Variants in PPARGC1A observed in about 807,000 individuals in gnomAD.
The protein encoded by PPARGC1A is peroxisome proliferator-activated receptor gamma coactivator 1-alpha.
Under a neutral mutation model 88.7 loss-of-function variants are expected in PPARGC1A, and 25 were observed. The observed-to-expected ratio is 0.28, with a 90% CI of 0.21 to 0.39. PPARGC1A has a LOEUF of 0.39. Among genes scored for constraint, PPARGC1A ranks in the 10% least tolerant of loss-of-function variants. The probability of loss-of-function intolerance (pLI) is 1.00; values close to 1 mark genes in which losing one functional copy is unlikely to be tolerated. For synonymous variants in PPARGC1A, 363 were observed against 355.6 expected, an observed-to-expected ratio of 1.02 and a Z score of -0.24; for missense variants, 880 against 968.7, an observed-to-expected ratio of 0.91 and a Z score of 1.22.
chr4:24,409,847 A>G, the PPARGC1A span, among the ~76,000 whole-genome samples: 1 of 152,218 alleles, frequency 6.6e-6, no homozygotes, highest in Non-Finnish European at 1.5e-5. Context: ...TGTTTGGACC[A>G]GAAAACCATG....
chr4:24,152,454 T>C, the PPARGC1A span, among the ~76,000 whole-genome samples: 1 of 152,052 alleles, frequency 6.6e-6, no homozygotes, highest in Non-Finnish European at 1.5e-5. Context: ...TATACCCCCA[T>C]ATAAAAAGTA....
intron 7 of PPARGC1A, among the ~76,000 whole-genome samples, chr4:23,814,995 C>G (rs1721685964): frequency 1.3e-5 from 2 of 152,008 alleles, no homozygotes; most frequent in Non-Finnish European, 2.9e-5. Context: ...CAAAGTGAGA[C>G]TGAGGAATCA....
At chr4:24,198,498 G>A in the PPARGC1A span, among the ~76,000 whole-genome samples, 1 of 152,094 alleles carries the variant, frequency 6.6e-6, no homozygotes. Flanking sequence ...TCAGGGCTAG[G>A]GTTAGACTTG....
At chr4:23,822,111 G>C (rs1231975200) in intron 7 of PPARGC1A, among the ~76,000 whole-genome samples, 1 of 152,128 alleles carries the variant, frequency 6.6e-6, no homozygotes, top group African/African-American at 2.4e-5. Flanking sequence ...AAACTGAGGT[G>C]TACAAGAGAT....
At chr4:23,974,830 T>C in the PPARGC1A span, among the ~76,000 whole-genome samples, 34 of 138,710 alleles carry the variant, frequency 2.5e-4, no homozygotes, top group African/African-American at 8.6e-4. Flanking sequence ...TTTTTTTTGG[T>C]ATTTTTAGTA....
At chr4:24,332,447 A>C in the PPARGC1A span, among the ~76,000 whole-genome samples, 1 of 152,262 alleles carries the variant, frequency 6.6e-6, no homozygotes, top group African/African-American at 2.4e-5. Flanking sequence ...TGGTAAACAC[A>C]GAAATTCATC....
chr4:24,467,008 GAGAAAGAA>G, the PPARGC1A span, among the ~76,000 whole-genome samples: 50 of 128,924 alleles, frequency 3.9e-4, no homozygotes, highest in African/African-American at 1.3e-3. Flanking sequence ...GAAGGAAGGG[GAGAAAGAA>G]AGAAAGAAAG....
the PPARGC1A span, among the ~76,000 whole-genome samples, chr4:24,380,394 C>T: frequency 3.8e-4 from 58 of 152,198 alleles, no homozygotes; most frequent in African/African-American, 1.1e-3. Flanking sequence ...GCAAAGAATA[C>T]GATCAGGAAT....
At position 23,835,422 on chromosome 4, in the gene PPARGC1A, CAATG is replaced by C. The variant is rs768136347; in HGVS notation, c.235-3675_235-3672del. On this transcript the variant is annotated intron_variant, in intron 2 of 12. Coordinates refer to ENST00000264867, the MANE Select transcript of PPARGC1A (RefSeq NM_013261.5). ...TTAATTCCCCTCTCTACTGGAAACACAATGAGAGGGAGGATTTGTAAGATGGGAG... is the reference window on the plus strand; with the variant it reads ...TTAATTCCCCTCTCTACTGGAAACACAGAGGGAGGATTTGTAAGATGGGAG... Among the ~76,000 whole-genome samples, 219 of 151,460 alleles carry C rather than the reference CAATG, an allele frequency of 1.4e-3. 1 individual carries two copies. Among genetic ancestry groups the C allele is most frequent in the Non-Finnish European group, 2.5e-3 (172 of 67,930 alleles).
chr4:24,464,702 G>A, the PPARGC1A span, among the ~76,000 whole-genome samples: 1 of 152,150 alleles, frequency 6.6e-6, no homozygotes, highest in African/African-American at 2.4e-5. Flanking sequence ...TGCTCACAAA[G>A]CAATCAGACG....
chr4:24,000,233 T>C, the PPARGC1A span, among the ~76,000 whole-genome samples: 1 of 152,188 alleles, frequency 6.6e-6, no homozygotes, highest in African/African-American at 2.4e-5. Flanking sequence ...TAGGTATCAC[T>C]TGATAACTCC....
chr4:24,450,443 A>C, the PPARGC1A span, among the ~76,000 whole-genome samples: 1 of 152,260 alleles, frequency 6.6e-6, no homozygotes. Flanking sequence ...GACCTTCGCC[A>C]TCACATTATA....
chr4:24,368,573 A>T, the PPARGC1A span, among the ~76,000 whole-genome samples: 1 of 152,188 alleles, frequency 6.6e-6, no homozygotes, highest in South Asian at 2.1e-4. Context: ...TCAAAATTTT[A>T]GGGTACATTC....
the PPARGC1A span, among the ~76,000 whole-genome samples, chr4:24,128,042 C>T: frequency 3.9e-5 from 6 of 152,144 alleles, no homozygotes; most frequent in Non-Finnish European, 7.4e-5. Flanking sequence ...ATCTGCACAC[C>T]ATATGGGAAT....
chr4:24,171,298 TGGGAGGTTGA>T, the PPARGC1A span, among the ~76,000 whole-genome samples: 1 of 151,752 alleles, frequency 6.6e-6, no homozygotes, highest in Admixed American at 6.6e-5. Context: ...CCCAGCTACT[TGGGAGGTTGA>T]GGCAGGAGAA....
chr4:24,351,035 A>G, the PPARGC1A span, among the ~76,000 whole-genome samples: 10 of 152,190 alleles, frequency 6.6e-5, no homozygotes, highest in African/African-American at 1.9e-4. Flanking sequence ...TTTCAAGATC[A>G]GCCTGGGCAA....
At chr4:24,111,669 C>T in the PPARGC1A span, among the ~76,000 whole-genome samples, 1 of 152,282 alleles carries the variant, frequency 6.6e-6, no homozygotes, top group East Asian at 1.9e-4. Flanking sequence ...ATAACTCAAC[C>T]AAATTTTCCA....
chr4:23,932,662 G>A, the PPARGC1A span, among the ~76,000 whole-genome samples: 1 of 151,420 alleles, frequency 6.6e-6, no homozygotes, highest in Admixed American at 6.6e-5. Flanking sequence ...TGAAAAATGA[G>A]AAATAAAAAA....
chr4:24,235,056 A>G, the PPARGC1A span, among the ~76,000 whole-genome samples: 1 of 152,176 alleles, frequency 6.6e-6, no homozygotes, highest in Non-Finnish European at 1.5e-5. Context: ...GACACCAGTA[A>G]TCTTATTTTA....
Sources: allele counts gnomAD v4.1 joint callset (sites outside exome capture counted in the v4.1 genomes callset), GRCh38; gene constraint gnomAD v4.1.1; transcripts MANE v1.5; gene names NCBI Gene and HGNC (gene_info 2026-07-23, HGNC 2026-07-21).